The following DENND1A variants were observed in gnomAD, a reference collection of about 807,000 sequenced individuals.
DENND1A encodes the protein DENN domain containing 1A, also known as DENN domain-containing protein 1A.
DENND1A carries 51 observed loss-of-function variants against 113.7 expected under a neutral mutation model. The ratio of observed to expected loss-of-function variants is 0.45; its 90% CI spans 0.36 to 0.57. The LOEUF is 0.57. Ranked by LOEUF, DENND1A falls within the 20% of genes least tolerant of loss-of-function variation. The pLI, the probability that DENND1A is intolerant of heterozygous loss-of-function variation, is 0.00. For synonymous variants in DENND1A, 565 were observed against 570.8 expected, an observed-to-expected ratio of 0.99 and a Z score of 0.14; for missense variants, 1,258 against 1,395.9, an observed-to-expected ratio of 0.90 and a Z score of 1.57.
At chr9:123,582,919 G>A (rs907359424) in intron 12 of DENND1A, among the ~76,000 whole-genome samples, 2 of 143,404 alleles carry the variant, frequency 1.4e-5, no homozygotes, top group Non-Finnish European at 3.0e-5. Flanking sequence ...GGCTGGTCTC[G>A]AACTCCTGAC....
At chr9:123,651,940 C>G (rs572763640) in intron 9 of DENND1A, 73 bp downstream of exon 9, 1 of 1,365,600 alleles carries the variant, frequency 7.3e-7, no homozygotes, top group South Asian at 1.4e-5. Context: ...CTAAAATTTT[C>G]TTTCATCTTG....
chr9:123,652,143 A>G lies in DENND1A; in HGVS notation c.508-20T>C. On this transcript the variant is annotated intron_variant, in intron 8 of 23. Transcript: ENST00000394215. ...ATTTCTCTAGGAGAAAGAAGAAGGC[A>G]CGGTTTGTGGCTGATTTTCTTTGTT... The G allele has an allele frequency of 1.2e-6, 2 of 1,600,008 alleles. No individual in the cohort carries two copies. The highest frequency in any genetic ancestry group is 8.6e-7 in the Non-Finnish European group (1 of 1,167,406).
chr9:123,471,790 C>T (rs530378327), intron 13 of DENND1A, among the ~76,000 whole-genome samples: 41 of 152,328 alleles, frequency 2.7e-4, no homozygotes, highest in African/African-American at 7.7e-4. Context: ...CCCACGACAC[C>T]CCCGAGCTCT....
intron 3 of DENND1A, among the ~76,000 whole-genome samples, chr9:123,782,542 T>C (rs1039999560): frequency 6.6e-6 from 1 of 152,216 alleles, no homozygotes; most frequent in Non-Finnish European, 1.5e-5. Context: ...CCTAGAGATC[T>C]GGACACGAAG....
intron 5 of DENND1A, among the ~76,000 whole-genome samples, chr9:123,682,739 C>G (rs1311381749): frequency 6.6e-6 from 1 of 152,126 alleles, no homozygotes; most frequent in Non-Finnish European, 1.5e-5. Context: ...GTTTCCTCCT[C>G]TATGAAAAGA....
intron 20 of DENND1A, among the ~76,000 whole-genome samples, chr9:123,409,854 G>A (rs1484054067): frequency 2.0e-5 from 3 of 152,186 alleles, no homozygotes; most frequent in Admixed American, 6.5e-5. Context: ...CACTTTGGGA[G>A]GCTGAGGCGG....
intron 11 of DENND1A, among the ~76,000 whole-genome samples, chr9:123,605,981 C>T (rs555423927): frequency 2.7e-4 from 41 of 152,170 alleles, no homozygotes; most frequent in Admixed American, 2.0e-4. Flanking sequence ...GCTGAATTGC[C>T]AGTAAGAAAA....
rs868145831 is a variant in DENND1A, at chr9:123,430,857, C to A, written c.1488+9503G>T. 2.0e-4 allele frequency among the ~76,000 whole-genome samples: 30 copies of A among 152,214 alleles called. No individual in the cohort carries two copies. In the Middle Eastern group the frequency reaches 0.01, roughly 52 times the overall value. ...TAAATATTGAAGAAGAAAAAATTAG[C>A]CAGGTGCGGTGGTGTGCACCTATAT... On this transcript the variant is annotated intron_variant, in intron 19 of 23. Coordinates refer to ENST00000394215, the MANE Select transcript of DENND1A (RefSeq NM_001352964.2).
At chr9:123,519,631 C>A (rs1486954822) in intron 13 of DENND1A, among the ~76,000 whole-genome samples, 1 of 152,064 alleles carries the variant, frequency 6.6e-6, no homozygotes, top group Non-Finnish European at 1.5e-5. Flanking sequence ...GTTGGCCAGG[C>A]CGGTCTTGAA....
chr9:123,636,238 C>G (rs2061692293), intron 9 of DENND1A, among the ~76,000 whole-genome samples: 1 of 152,146 alleles, frequency 6.6e-6, no homozygotes, highest in Admixed American at 6.5e-5. Flanking sequence ...CTGAAGAACT[C>G]AGATGTAGAT....
chr9:123,873,657 G>C (rs892845008), intron 2 of DENND1A, among the ~76,000 whole-genome samples: 1 of 152,096 alleles, frequency 6.6e-6, no homozygotes, highest in African/African-American at 2.4e-5. Context: ...ATCAAATTTA[G>C]AGGTTAACTT....
At chr9:123,717,165 T>G (rs1259835465) in intron 5 of DENND1A, among the ~76,000 whole-genome samples, 1 of 152,112 alleles carries the variant, frequency 6.6e-6, no homozygotes, top group Non-Finnish European at 1.5e-5. Flanking sequence ...TCTGGTCAGA[T>G]AGTTGGCAAG....
intron 5 of DENND1A, among the ~76,000 whole-genome samples, chr9:123,701,190 G>A (rs1054324894): frequency 2.0e-5 from 3 of 152,118 alleles, no homozygotes; most frequent in African/African-American, 4.8e-5. Flanking sequence ...ATTGATAGAA[G>A]GTAGAGCAAA....
intron 5 of DENND1A, among the ~76,000 whole-genome samples, chr9:123,702,333 T>A (rs1179505853): frequency 1.3e-5 from 2 of 152,104 alleles, no homozygotes; most frequent in East Asian, 3.9e-4. Flanking sequence ...AGCAAATGTA[T>A]GAGTTGCTGG....
At chr9:123,898,916 A>T (rs570667000) in intron 1 of DENND1A, among the ~76,000 whole-genome samples, 1 of 152,240 alleles carries the variant, frequency 6.6e-6, no homozygotes, top group Non-Finnish European at 1.5e-5. Context: ...GCAACACATT[A>T]CTGAGACTAT....
chr9:123,822,700 T>G (rs1014679608), intron 2 of DENND1A, among the ~76,000 whole-genome samples: 1 of 152,230 alleles, frequency 6.6e-6, no homozygotes, highest in Non-Finnish European at 1.5e-5. Flanking sequence ...TGACACCTAC[T>G]ACATAAACAC....
chr9:123,557,512 A>T, intron 13 of DENND1A, 58 bp downstream of exon 13: 2 of 1,591,900 alleles, frequency 1.3e-6, no homozygotes, highest in Non-Finnish European at 1.7e-6. Context: ...GTGGCCCCTG[A>T]GGTATGCTTC....
intron 2 of DENND1A, among the ~76,000 whole-genome samples, chr9:123,796,860 CAT>C (rs1833866981): frequency 6.6e-6 from 1 of 151,980 alleles, no homozygotes; most frequent in Non-Finnish European, 1.5e-5. Flanking sequence ...CAAGGCATGA[CAT>C]ATTTTTAAAC....
At chr9:123,898,533 GC>G (rs1418808958) in intron 1 of DENND1A, among the ~76,000 whole-genome samples, 1 of 151,790 alleles carries the variant, frequency 6.6e-6, no homozygotes, top group Non-Finnish European at 1.5e-5. Flanking sequence ...CTCCCTATTA[GC>G]CCAGGCTAGT....
Sources: gnomAD v4.1 joint callset for allele counts (sites outside exome capture counted in the v4.1 genomes callset) on GRCh38, gnomAD v4.1.1 for gene constraint, MANE v1.5 for transcripts, NCBI Gene and HGNC (gene_info 2026-07-23, HGNC 2026-07-21) for gene names.